The following PALM2AKAP2 variants were observed in gnomAD, a reference collection of about 807,000 sequenced individuals.
PALM2AKAP2 encodes the protein PALM2-AKAP2 fusion protein.
In PALM2AKAP2, 37 loss-of-function variants were observed where a neutral mutation model predicts 71.5. The ratio of observed to expected loss-of-function variants is 0.52; its 90% confidence interval spans 0.40 to 0.68. PALM2AKAP2 has a LOEUF of 0.68. PALM2AKAP2 is among the 30% of genes least tolerant of loss of function. PALM2AKAP2 has a pLI of 0.00. For synonymous variants in PALM2AKAP2, 468 were observed against 478.8 expected, an observed-to-expected ratio of 0.98 and a Z score of 0.29; for missense variants, 1,224 against 1,191.8, an observed-to-expected ratio of 1.03 and a Z score of -0.40.
intron 6 of PALM2AKAP2, among the ~76,000 whole-genome samples, chr9:109,971,086 C>T (rs1048174529): frequency 1.3e-5 from 2 of 152,030 alleles, no homozygotes; most frequent in African/African-American, 2.4e-5. Context: ...GAGCAAGACC[C>T]TGTCTCAAAT....
At position 109,716,564 on chromosome 9, in the gene PALM2AKAP2, T is replaced by A. The variant is rs1828323027; in HGVS notation, c.6-63924T>A. ...TGTATTTCACTTGCTAAATCTGGCATCTGTAAGCTGGCAGGTACCTGGAAA... is the reference window on the plus strand; with the variant it reads ...TGTATTTCACTTGCTAAATCTGGCAACTGTAAGCTGGCAGGTACCTGGAAA... On this transcript the variant is annotated intron_variant, in intron 1 of 6. Transcript: ENST00000374531. 2.7e-5 allele frequency among the ~76,000 whole-genome samples: 4 copies of A among 148,848 alleles called. No individual in the cohort carries two copies. In the South Asian group the frequency reaches 8.5e-4, roughly 32 times the overall value.
chr9:109,925,664 G>A (rs1034314337), intron 5 of PALM2AKAP2, among the ~76,000 whole-genome samples: 1 of 152,062 alleles, frequency 6.6e-6, no homozygotes, highest in Non-Finnish European at 1.5e-5. Context: ...TGGGGTCCTG[G>A]CTTCCTGGTG....
At chr9:109,670,351 T>C (rs1479523523) in intron 1 of PALM2AKAP2, among the ~76,000 whole-genome samples, 1 of 152,186 alleles carries the variant, frequency 6.6e-6, no homozygotes, top group African/African-American at 2.4e-5. Flanking sequence ...CTCCCACTTA[T>C]AAATGAGAAC....
At chr9:109,784,531 T>TAAGTCAGTA (rs780008088) in intron 1 of PALM2AKAP2, among the ~76,000 whole-genome samples, 1 of 152,226 alleles carries the variant, frequency 6.6e-6, no homozygotes, top group Non-Finnish European at 1.5e-5. Flanking sequence ...ATGAAGAAGT[T>TAAGTCAGTA]AAGTCAGTAG....
chr9:109,950,704 T>G (rs1249359605), intron 6 of PALM2AKAP2, among the ~76,000 whole-genome samples: 1 of 152,242 alleles, frequency 6.6e-6, no homozygotes, highest in African/African-American at 2.4e-5. Context: ...CTGGTTCCCA[T>G]GCAAATCGCT....
At chr9:110,048,469 C>G, upstream of PALM2AKAP2, 1 of 523,670 alleles carries the variant, frequency 1.9e-6, no homozygotes. Context: ...CTCCGTCTTT[C>G]CCTCTCTCCA....
intron 1 of PALM2AKAP2, among the ~76,000 whole-genome samples, chr9:109,845,441 G>C (rs894159493): frequency 6.6e-6 from 1 of 152,206 alleles, no homozygotes; most frequent in Admixed American, 6.5e-5. Flanking sequence ...TATGGGCTAG[G>C]CTGTGCTAAT....
At chr9:109,803,823 G>T (rs1827501615) in intron 1 of PALM2AKAP2, among the ~76,000 whole-genome samples, 1 of 152,226 alleles carries the variant, frequency 6.6e-6, no homozygotes, top group South Asian at 2.1e-4. Context: ...CCTTTGATGG[G>T]TATGTGCTCC....
intron 1 of PALM2AKAP2, among the ~76,000 whole-genome samples, chr9:109,722,633 G>T (rs1051981408): frequency 6.6e-6 from 1 of 152,072 alleles, no homozygotes; most frequent in Non-Finnish European, 1.5e-5. Flanking sequence ...TTAGCCAGGC[G>T]TGGTGGCATG....
chr9:109,898,816 C>A (rs1295328587), intron 3 of PALM2AKAP2, among the ~76,000 whole-genome samples: 1 of 152,174 alleles, frequency 6.6e-6, no homozygotes, highest in Non-Finnish European at 1.5e-5. Context: ...TGCCAAATCA[C>A]CAGTGACTAT....
chr9:109,999,283 G>A (rs140735766), intron 6 of PALM2AKAP2, among the ~76,000 whole-genome samples: 64 of 152,014 alleles, frequency 4.2e-4, no homozygotes, highest in Admixed American at 7.9e-4. Flanking sequence ...AGATTACAGT[G>A]AGCCAAGATC....
intron 1 of PALM2AKAP2, among the ~76,000 whole-genome samples, chr9:109,665,417 G>A (rs1056137340): frequency 1.3e-5 from 2 of 152,156 alleles, no homozygotes; most frequent in Non-Finnish European, 1.5e-5. Flanking sequence ...CTTTCTGTTT[G>A]TTAGTTTTCC....
intron 7 of PALM2AKAP2, among the ~76,000 whole-genome samples, chr9:110,042,911 A>G (rs1833532287): frequency 6.6e-6 from 1 of 152,140 alleles, no homozygotes; most frequent in Non-Finnish European, 1.5e-5. Flanking sequence ...CAAACAACCC[A>G]ATTATAGATT....
At chr9:109,819,553 T>C (rs553299065) in intron 1 of PALM2AKAP2, among the ~76,000 whole-genome samples, 9 of 152,200 alleles carry the variant, frequency 5.9e-5, no homozygotes, top group South Asian at 2.1e-4. Context: ...CATTTTCTTT[T>C]ACCTTATCAT....
intron 1 of PALM2AKAP2, among the ~76,000 whole-genome samples, chr9:109,707,964 C>A (rs1283056684): frequency 6.6e-6 from 1 of 152,152 alleles, no homozygotes; most frequent in Non-Finnish European, 1.5e-5. Flanking sequence ...CAGGCCAAGC[C>A]CAGTGCCTTT....
chr9:109,670,400 A>G (rs1452459636), intron 1 of PALM2AKAP2, among the ~76,000 whole-genome samples: 1 of 152,096 alleles, frequency 6.6e-6, no homozygotes, highest in Non-Finnish European at 1.5e-5. Flanking sequence ...TTAATTTGCT[A>G]TGGATAATGG....
chr9:110,133,509 A>G (rs935159607), intron 1 of PALM2AKAP2, among the ~76,000 whole-genome samples: 3 of 152,214 alleles, frequency 2.0e-5, no homozygotes, highest in African/African-American at 4.8e-5. Flanking sequence ...TAATTAAACT[A>G]TAGAACTAAT....
chr9:110,036,110 T>C (rs1833405773), intron 7 of PALM2AKAP2, among the ~76,000 whole-genome samples: 2 of 151,994 alleles, frequency 1.3e-5, no homozygotes, highest in South Asian at 4.1e-4. Flanking sequence ...GTTTTTTTGG[T>C]ATTTTTAGTA....
intron 6 of PALM2AKAP2, among the ~76,000 whole-genome samples, chr9:109,972,050 T>C (rs1442924155): frequency 3.3e-5 from 5 of 152,344 alleles, no homozygotes; most frequent in Non-Finnish European, 5.9e-5. Flanking sequence ...TCAGAAGACC[T>C]TGTAATCAAG....
Sources: allele counts gnomAD v4.1 joint callset (sites outside exome capture counted in the v4.1 genomes callset), GRCh38; gene constraint gnomAD v4.1.1; transcripts MANE v1.5; gene names NCBI Gene and HGNC (gene_info 2026-07-23, HGNC 2026-07-21).